Variants in CHST15 observed in about 807,000 individuals in gnomAD.
CHST15 encodes the protein carbohydrate sulfotransferase 15, also known as B cell RAG associated protein (GALNAC4S-6ST).
A neutral mutation model predicts 53.6 loss-of-function variants in CHST15; 30 were observed. The ratio of observed to expected loss-of-function variants is 0.56; its 90% CI spans 0.42 to 0.76. The LOEUF (loss-of-function observed/expected upper bound fraction) is 0.76, where lower values mean the gene tolerates loss of function less well. Among genes scored for constraint, CHST15 ranks in the 30% least tolerant of loss-of-function variants. The pLI is 0.00. For synonymous variants in CHST15, 296 were observed against 289.8 expected (o/e 1.02, Z -0.22); for missense variants, 627 against 740.5 (o/e 0.85, Z 1.78).
At chr10:124,077,495 AG>A (rs1262594960) in intron 1 of CHST15, among the ~76,000 whole-genome samples, 1 of 152,088 alleles carries the variant, frequency 6.6e-6, no homozygotes, top group African/African-American at 2.4e-5. Flanking sequence ...TTACGAGCCG[AG>A]GCTTACACTC....
chr10:124,089,862 A>G (rs1949552678), intron 1 of CHST15, among the ~76,000 whole-genome samples: 1 of 152,182 alleles, frequency 6.6e-6, no homozygotes, highest in Admixed American at 6.5e-5. Flanking sequence ...GCCCCGCCAA[A>G]TCATCCCAGA....
intron 1 of CHST15, among the ~76,000 whole-genome samples, chr10:124,066,213 C>T (rs1409969683): frequency 4.6e-5 from 7 of 152,248 alleles, no homozygotes; most frequent in Non-Finnish European, 7.3e-5. Context: ...AAACATTATT[C>T]CTCAAGTTAC....
chr10:124,051,747 A>G (rs1259242020), intron 1 of CHST15, among the ~76,000 whole-genome samples: 1 of 152,174 alleles, frequency 6.6e-6, no homozygotes, highest in Admixed American at 6.5e-5. Context: ...CCTTGCTTGG[A>G]CACCCCCTAT....
At chr10:124,090,008 C>G (rs569608475) in intron 1 of CHST15, among the ~76,000 whole-genome samples, 1 of 152,150 alleles carries the variant, frequency 6.6e-6, no homozygotes, top group Admixed American at 6.5e-5. Flanking sequence ...GAGCTCTGCC[C>G]GCCTCACCTC....
At chr10:124,034,975 AATAGGG>A (rs1409198632) in intron 5 of CHST15, among the ~76,000 whole-genome samples, 95 of 117,442 alleles carry the variant, frequency 8.1e-4, no homozygotes, top group Non-Finnish European at 1.3e-3. Context: ...TCTACCCCCT[AATAGGG>A]ACCCTGGCTC....
At chr10:124,072,543 A>G (rs973266184) in intron 1 of CHST15, among the ~76,000 whole-genome samples, 2 of 152,154 alleles carry the variant, frequency 1.3e-5, no homozygotes, top group East Asian at 1.9e-4. Flanking sequence ...ATCTACAAAT[A>G]AAAACCTTTC....
At chr10:124,041,387 A>C (rs1020428567) in intron 4 of CHST15, among the ~76,000 whole-genome samples, 1 of 152,252 alleles carries the variant, frequency 6.6e-6, no homozygotes, top group Non-Finnish European at 1.5e-5. Context: ...ACGCCTTCTA[A>C]GCTGAATCCA....
chr10:124,021,319 A>G lies in CHST15; in HGVS notation c.1284T>C (p.Asn428=). 2 of 1,613,752 alleles carry G rather than the reference A, an allele frequency of 1.2e-6. No individual in the cohort carries two copies. Among genetic ancestry groups the G allele is most frequent in the South Asian group, 2.2e-5 (2 of 91,058 alleles). Residue 428 remains asparagine (N), a synonymous_variant, in exon 6 of 8, where the codon AAT becomes AAC. Coordinates refer to ENST00000435907, the MANE Select transcript of CHST15 (RefSeq NM_001270764.2). ...CGCGCAGTGAATAATCAAGCATGCA[A>G]TTTTCAAACAGCTGCAGTGCTTCTG... ...KVTEALQLFE[N]CMLDYSLRAC... is the part of the protein sequence containing the mutation.
chr10:124,024,252 TCC>T lies in CHST15; in HGVS notation c.1191-2842_1191-2841del, dbSNP rs1946905567. On this transcript the variant is annotated intron_variant, in intron 5 of 7. Coordinates refer to ENST00000435907, the MANE Select transcript of CHST15 (RefSeq NM_001270764.2). The surrounding 1 kb of genome is among the most constrained non-coding windows in gnomAD (Gnocchi z 4.0). ...TGCAAATGCGCCTTCTCCACTGCCC[TCC>T]CCTCTAATTGAGGTCATGATATGAG... 6.6e-6 allele frequency among the ~76,000 whole-genome samples: 1 copy of T among 152,246 alleles called. No homozygotes were observed. The highest frequency in any genetic ancestry group is 6.5e-5 in the Admixed American group (1 of 15,300).
At position 124,036,043 on chromosome 10, in the gene CHST15, T is replaced by C. The variant is rs940691718; in HGVS notation, c.1190+2472A>G. Among the ~76,000 whole-genome samples, 3 of 152,220 alleles carry C rather than the reference T, an allele frequency of 2.0e-5. No individual in the cohort carries two copies. The highest frequency in any genetic ancestry group is 2.9e-5 in the Non-Finnish European group (2 of 68,044). ...ACTCTCGGCCCCTGAGGTTAAGGCGTGGTCTGACCTTTCTCAGAATGAGGA... is the reference window on the plus strand; with the variant it reads ...ACTCTCGGCCCCTGAGGTTAAGGCGCGGTCTGACCTTTCTCAGAATGAGGA... On this transcript the variant is annotated intron_variant, in intron 5 of 7. Transcript: ENST00000435907. This position sits in a 1 kb window ranked among gnomAD's most constrained non-coding sequence, Gnocchi z 5.1.
At chr10:124,089,177 G>A (rs911871844) in intron 1 of CHST15, among the ~76,000 whole-genome samples, 5 of 152,162 alleles carry the variant, frequency 3.3e-5, no homozygotes, top group Non-Finnish European at 7.4e-5. Flanking sequence ...CAGACCAGAA[G>A]GGGAGGGAGG....
chr10:124,030,243 T>C (rs1353310170), intron 5 of CHST15, among the ~76,000 whole-genome samples: 1 of 152,112 alleles, frequency 6.6e-6, no homozygotes, highest in African/African-American at 2.4e-5. Flanking sequence ...CGCTCTGTGA[T>C]CGAGGCCAAC....
chr10:124,043,940 GGGGAACAGCACAGAGCA>G (rs1349146725), intron 3 of CHST15, among the ~76,000 whole-genome samples: 32 of 144,840 alleles, frequency 2.2e-4, no homozygotes, highest in African/African-American at 7.8e-4. Flanking sequence ...GCACAGAGCA[GGGGAACAGCACAGAGCA>G]GGGAGCAGCA....
intron 7 of CHST15, 88 bp downstream of exon 7, chr10:124,012,245 A>G (rs1178747694): frequency 1.4e-6 from 2 of 1,479,110 alleles, no homozygotes; most frequent in Non-Finnish European, 1.8e-6. Context: ...CACCCAGCTG[A>G]CCAGGTCTGC....
At position 124,028,871 on chromosome 10, in the gene CHST15, G is replaced by A. The variant is rs559307090; in HGVS notation, c.1191-7459C>T. On this transcript the variant is annotated intron_variant, in intron 5 of 7. Coordinates refer to ENST00000435907, the MANE Select transcript of CHST15 (RefSeq NM_001270764.2). ...CCCTGGGCTGGCTCACCCCGGTGAC[G>A]CTGGCCCCACCTCCCCGTGCTCCTC... Among the ~76,000 whole-genome samples the A allele has an allele frequency of 3.3e-5, 5 of 152,226 alleles. No homozygotes were observed. The East Asian group carries it at 5.8e-4, about 18-fold the overall frequency.
At chr10:124,088,496 C>T (rs915976213) in intron 1 of CHST15, among the ~76,000 whole-genome samples, 2 of 152,202 alleles carry the variant, frequency 1.3e-5, no homozygotes, top group Non-Finnish European at 2.9e-5. Flanking sequence ...GCCACCTCCC[C>T]ACAACTTAAC....
At chr10:124,080,176 G>C (rs1427062235) in intron 1 of CHST15, among the ~76,000 whole-genome samples, 1 of 152,224 alleles carries the variant, frequency 6.6e-6, no homozygotes, top group African/African-American at 2.4e-5. Flanking sequence ...GGAGAAGGCA[G>C]AGCTGCAAAT....
intron 7 of CHST15, chr10:124,010,689 A>AACGTGCGGCCTGCC: frequency 1.0e-6 from 1 of 985,368 alleles, no homozygotes; most frequent in Non-Finnish European, 1.2e-6. Context: ...TCCTTGGAGG[A>AACGTGCGGCCTGCC]ACGTGCGGCC....
chr10:124,023,356 C>T (rs574150447), intron 5 of CHST15, among the ~76,000 whole-genome samples: 10 of 151,746 alleles, frequency 6.6e-5, no homozygotes, highest in African/African-American at 2.2e-4. Flanking sequence ...CGTGGTGGTG[C>T]GTGCCTGTAG....
Sources: allele counts gnomAD v4.1 joint callset (sites outside exome capture counted in the v4.1 genomes callset), GRCh38; gene constraint gnomAD v4.1.1; non-coding constraint Gnocchi (gnomAD v3.1); transcripts MANE v1.5; gene names NCBI Gene and HGNC (gene_info 2026-07-23, HGNC 2026-07-21).